GPM6B: variants seen among roughly 807,000 people sequenced by gnomAD.
GPM6B encodes neuronal membrane glycoprotein M6-b.
In GPM6B, 4 loss-of-function variants were observed where a neutral mutation model predicts 27.2. The ratio of observed to expected loss-of-function variants is 0.15; its 90% CI spans 0.07 to 0.34. GPM6B has a LOEUF of 0.34. Among genes scored for constraint, GPM6B ranks in the 10% least tolerant of loss-of-function variants. GPM6B has a pLI of 1.00. For synonymous variants in GPM6B, 124 were observed against 103.1 expected (o/e 1.20, Z -1.23); for missense variants, 183 against 261.9 (o/e 0.70, Z 2.08).
intron 1 of GPM6B, among the ~76,000 whole-genome samples, chrX:13,831,177 TACACACACACACACACACACACAC>T (rs536337642): frequency 4.9e-5 from 4 of 81,621 alleles, no homozygotes; most frequent in Non-Finnish European, 7.1e-5. Context: ...AAGAGCTCAG[TACACACACACACACACACACACAC>T]ACACACACAC....
intron 1 of GPM6B, among the ~76,000 whole-genome samples, chrX:13,811,818 T>C (rs2049135308): frequency 8.9e-6 from 1 of 111,826 alleles, no homozygotes; most frequent in Non-Finnish European, 1.9e-5. Context: ...TTTTCTCTTA[T>C]ACACTCTTTG....
chrX:13,852,455 T>C (rs950845248), intron 1 of GPM6B, among the ~76,000 whole-genome samples: 4 of 110,533 alleles, frequency 3.6e-5, no homozygotes, highest in Non-Finnish European at 7.6e-5. Flanking sequence ...ATACACAGAG[T>C]TCTCATTTCT....
intron 5 of GPM6B, among the ~76,000 whole-genome samples, chrX:13,778,505 G>T (rs2048457917): frequency 9.0e-6 from 1 of 111,457 alleles, no homozygotes; most frequent in South Asian, 3.8e-4. Flanking sequence ...GCATAAGTTT[G>T]TGCTTAAATA....
At chrX:13,827,346 G>A (rs981348105) in intron 1 of GPM6B, among the ~76,000 whole-genome samples, 1 of 100,432 alleles carries the variant, frequency 1.0e-5, no homozygotes, top group Non-Finnish European at 2.0e-5. Context: ...GCAGTGGTGC[G>A]ATCATGGATC....
At chrX:13,925,784 G>A (rs925154351) in intron 1 of GPM6B, among the ~76,000 whole-genome samples, 3 of 111,103 alleles carry the variant, frequency 2.7e-5, no homozygotes, top group Admixed American at 9.6e-5. Flanking sequence ...GCCAGGCGCC[G>A]TGGCTCACAC....
Position 13,826,156 on chromosome X carries a change from G to A in GPM6B, c.-197-40348C>T, listed in dbSNP as rs750751707. Among the ~76,000 whole-genome samples, 516 of 111,027 alleles carry A rather than the reference G, an allele frequency of 4.6e-3. 5 individuals are homozygous for A. The highest frequency in any genetic ancestry group is 7.5e-3 in the Admixed American group (79 of 10,491). On this transcript the variant is annotated intron_variant, in intron 1 of 6. Coordinates refer to the GPM6B transcript ENST00000398361. ...AGCTCTGTTTTATGGGTGACAAAACGGAAGGCACGATGATCTTGGGTCTTA... is the reference window on the plus strand; with the variant it reads ...AGCTCTGTTTTATGGGTGACAAAACAGAAGGCACGATGATCTTGGGTCTTA...
chrX:13,818,293 G>T (rs1402185591), upstream of GPM6B, among the ~76,000 whole-genome samples: 4 of 112,033 alleles, frequency 3.6e-5, no homozygotes, highest in Non-Finnish European at 5.6e-5. Context: ...CTAGTTGGTT[G>T]GGCTTAACAC....
chrX:13,930,261 A>C (rs770945005), intron 1 of GPM6B, among the ~76,000 whole-genome samples: 2 of 112,281 alleles, frequency 1.8e-5, no homozygotes. Flanking sequence ...TATTAAAATA[A>C]ATTTTAGAAA....
intron 1 of GPM6B, among the ~76,000 whole-genome samples, chrX:13,826,948 A>G (rs2049380531): frequency 9.1e-6 from 1 of 109,943 alleles, no homozygotes; most frequent in East Asian, 2.8e-4. Flanking sequence ...GTTCCAGCCA[A>G]CATGAACAAG....
intron 1 of GPM6B, among the ~76,000 whole-genome samples, chrX:13,910,610 GGA>G (rs1245587027): frequency 8.8e-6 from 1 of 113,060 alleles, no homozygotes; most frequent in Non-Finnish European, 1.9e-5. Flanking sequence ...CTAAGGAATT[GGA>G]GAGAGAGGAA....
chrX:13,873,941 T>TA, intron 1 of GPM6B, among the ~76,000 whole-genome samples: 2 of 112,149 alleles, frequency 1.8e-5, no homozygotes. Context: ...AATACAGCAT[T>TA]AAAAAAAGAC....
At chrX:13,917,270 T>C (rs1025836825) in intron 1 of GPM6B, among the ~76,000 whole-genome samples, 4 of 112,429 alleles carry the variant, frequency 3.6e-5, no homozygotes, top group Admixed American at 1.9e-4. Flanking sequence ...CAAAAACACA[T>C]GTAAACTATT....
At chrX:13,916,467 G>A (rs750815233) in intron 1 of GPM6B, among the ~76,000 whole-genome samples, 2 of 111,112 alleles carry the variant, frequency 1.8e-5, no homozygotes, top group African/African-American at 6.5e-5. Context: ...AATTTGAAGT[G>A]CGTTGGAAAC....
At chrX:13,783,228 T>C in intron 4 of GPM6B, 137 bp downstream of exon 4, 2 of 472,948 alleles carry the variant, frequency 4.2e-6, no homozygotes, top group South Asian at 9.8e-5. Context: ...TAACTCTAAA[T>C]TGGTAAAGCC....
intron 1 of GPM6B, among the ~76,000 whole-genome samples, chrX:13,871,111 A>G (rs1231300933): frequency 2.7e-5 from 1 of 37,676 alleles, no homozygotes; most frequent in African/African-American, 5.7e-5. Context: ...AAACAAAACA[A>G]AACAAAAAAA....
chrX:13,775,432 A>G lies in GPM6B; in HGVS notation c.837+806T>C, dbSNP rs139666054. 4.9e-3 allele frequency among the ~76,000 whole-genome samples: 551 copies of G among 112,708 alleles called. 1 individual carries two copies. Among genetic ancestry groups the G allele is most frequent in the African/African-American group, 0.016 (508 of 31,044 alleles). On this transcript the variant is annotated intron_variant, in intron 7 of 7. Transcript: ENST00000316715. ...GACTGTAAATAAGTATACTCGAAGT[A>G]TATTTAGTGCCACGTTTTTCACATT...
chrX:13,806,677 A>G (rs1202998872), intron 2 of GPM6B, among the ~76,000 whole-genome samples: 1 of 112,589 alleles, frequency 8.9e-6, no homozygotes, highest in African/African-American at 3.2e-5. Flanking sequence ...TTGTAATTCA[A>G]TGGGTAACTT....
At chrX:13,896,263 C>T (rs906933728) in intron 1 of GPM6B, among the ~76,000 whole-genome samples, 1 of 106,779 alleles carries the variant, frequency 9.4e-6, no homozygotes, top group African/African-American at 3.4e-5. Flanking sequence ...GGTAGTCCAT[C>T]ATTTTAAGAA....
At position 13,837,710 on chromosome X, in the gene GPM6B, T is replaced by TGGGGGGG. The variant is rs771546203; in HGVS notation, c.-197-51909_-197-51903dup. Among the ~76,000 whole-genome samples, 12 of 11,367 alleles carry TGGGGGGG rather than the reference T, an allele frequency of 1.1e-3. 3 individuals carry two copies. Among genetic ancestry groups the TGGGGGGG allele is most frequent in the Non-Finnish European group, 2.8e-3 (10 of 3,562 alleles). The allele number at this position is 11,367 out of a possible 115,157, so 9.9% of individuals were successfully genotyped here. ...GCTTTGCTTTTTCAAAGCAAGTTGGTGGGGGGGGGGGGGGGGGGAAGCAGA... is the reference window on the plus strand; with the variant it reads ...GCTTTGCTTTTTCAAAGCAAGTTGGTGGGGGGGGGGGGGGGGGGGGGGGGGAAGCAGA... On this transcript the variant is annotated intron_variant, in intron 1 of 6. Transcript: ENST00000398361.
Sources: gnomAD v4.1 joint callset for allele counts (sites outside exome capture counted in the v4.1 genomes callset) on GRCh38, gnomAD v4.1.1 for gene constraint, MANE v1.5 for transcripts, NCBI Gene and HGNC (gene_info 2026-07-23, HGNC 2026-07-21) for gene names.